Variants in FRMD4A observed in about 807,000 individuals in gnomAD.
FRMD4A encodes FERM domain containing 4A, also known as FERM domain-containing protein 4A.
FRMD4A carries 29 observed loss-of-function variants against 129.1 expected under a neutral mutation model. The observed-to-expected ratio is 0.22, with a 90% CI of 0.17 to 0.31. The LOEUF (loss-of-function observed/expected upper bound fraction) is 0.31. FRMD4A is among the 10% of genes least tolerant of loss of function. The pLI, the probability that FRMD4A is intolerant of heterozygous loss-of-function variation, is 1.00. For missense variants in FRMD4A, 1,272 were observed against 1,375.8 expected (o/e 0.92, Z 1.19); for synonymous variants, 634 against 571.6 (o/e 1.11, Z -1.56).
At chr10:14,262,019 C>T (rs1375889659) in intron 2 of FRMD4A, among the ~76,000 whole-genome samples, 1 of 151,890 alleles carries the variant, frequency 6.6e-6, no homozygotes. Flanking sequence ...CTCTCTGCTT[C>T]TCTGTCTCCC....
intron 12 of FRMD4A, among the ~76,000 whole-genome samples, chr10:13,716,020 T>C (rs187784420): frequency 3.3e-5 from 5 of 152,168 alleles, no homozygotes; most frequent in Non-Finnish European, 2.9e-5. Context: ...TGAACACATA[T>C]CAGCACAAAG....
intron 2 of FRMD4A, among the ~76,000 whole-genome samples, chr10:14,121,451 T>C (rs1338503303): frequency 6.6e-6 from 1 of 152,164 alleles, no homozygotes; most frequent in Non-Finnish European, 1.5e-5. Flanking sequence ...CCTGGAAATT[T>C]TGCATTTCTA....
At chr10:13,848,207 G>A (rs1238537417) in intron 3 of FRMD4A, among the ~76,000 whole-genome samples, 1 of 152,118 alleles carries the variant, frequency 6.6e-6, no homozygotes, top group Admixed American at 6.6e-5. Context: ...CCATAGAGAG[G>A]ACATGGAAAG....
chr10:14,314,440 T>C (rs1268834970), intron 2 of FRMD4A, among the ~76,000 whole-genome samples: 1 of 152,162 alleles, frequency 6.6e-6, no homozygotes, highest in African/African-American at 2.4e-5. Flanking sequence ...GGGAGGAGGC[T>C]ATGTGAGCTA....
intron 6 of FRMD4A, among the ~76,000 whole-genome samples, chr10:13,779,333 A>T (rs1198413651): frequency 1.4e-5 from 2 of 147,658 alleles, no homozygotes; most frequent in Non-Finnish European, 3.0e-5. Flanking sequence ...AAAAAAAAAA[A>T]GACTTATTTA....
At chr10:14,050,888 AAAC>A (rs1267693272) in intron 2 of FRMD4A, among the ~76,000 whole-genome samples, 1 of 152,172 alleles carries the variant, frequency 6.6e-6, no homozygotes, top group African/African-American at 2.4e-5. Context: ...ATAAACTGGT[AAAC>A]ATAAGCAAAG....
rs531031758 is a variant in FRMD4A at position 14,105,293 on chromosome 10, T to C, written c.45+224765A>G. 6.6e-4 allele frequency among the ~76,000 whole-genome samples: 101 copies of C among 152,284 alleles called. 1 individual carries two copies. The highest frequency in any genetic ancestry group is 2.3e-3 in the African/African-American group (96 of 41,562). Reference sequence around the variant, plus strand: ...ATAAAGTTTGTTAGATGGCTGGGCATGGCGCATCATGCCTGTAATCCCAGC... The same window carrying C: ...ATAAAGTTTGTTAGATGGCTGGGCACGGCGCATCATGCCTGTAATCCCAGC... On this transcript the variant is annotated intron_variant, in intron 2 of 24. Transcript: ENST00000357447.
chr10:13,779,129 T>C (rs2092675762), intron 6 of FRMD4A, among the ~76,000 whole-genome samples: 1 of 152,014 alleles, frequency 6.6e-6, no homozygotes, highest in Non-Finnish European at 1.5e-5. Context: ...CCGGCCTGAC[T>C]AACACGGTGA....
At chr10:13,943,680 GAAA>G (rs1257050518) in intron 2 of FRMD4A, among the ~76,000 whole-genome samples, 1 of 89,804 alleles carries the variant, frequency 1.1e-5, no homozygotes, top group Non-Finnish European at 2.3e-5. Flanking sequence ...AAAAAAAAAA[GAAA>G]AAGAAAAGAA....
At chr10:14,221,258 C>T (rs1424839868) in intron 2 of FRMD4A, among the ~76,000 whole-genome samples, 1 of 152,164 alleles carries the variant, frequency 6.6e-6, no homozygotes, top group East Asian at 1.9e-4. Context: ...GTTGTGAGAG[C>T]TTAGCTGGAG....
chr10:14,107,384 G>T (rs531296507), intron 2 of FRMD4A, among the ~76,000 whole-genome samples: 139 of 152,164 alleles, frequency 9.1e-4, no homozygotes, highest in Non-Finnish European at 1.7e-3. Context: ...TAAACCAAAA[G>T]TTGCTTTAAA....
At chr10:13,777,870 C>G (rs987130413) in intron 6 of FRMD4A, among the ~76,000 whole-genome samples, 1 of 139,516 alleles carries the variant, frequency 7.2e-6, no homozygotes, top group Non-Finnish European at 1.5e-5. Context: ...GCGATCTCGG[C>G]TTACTGCAAC....
intron 2 of FRMD4A, among the ~76,000 whole-genome samples, chr10:14,174,866 AGTGTGT>A (rs1404095209): frequency 7.2e-6 from 1 of 139,524 alleles, no homozygotes; most frequent in Non-Finnish European, 1.5e-5. Context: ...TAAAAAAAAA[AGTGTGT>A]GTGTGTCTGT....
chr10:14,286,983 A>C (rs1845700217), intron 2 of FRMD4A, among the ~76,000 whole-genome samples: 1 of 152,196 alleles, frequency 6.6e-6, no homozygotes, highest in Admixed American at 6.5e-5. Context: ...ACACATTTGC[A>C]TTCTCACATA....
chr10:13,708,589 A>G (rs1201455427), intron 12 of FRMD4A, among the ~76,000 whole-genome samples: 1 of 152,216 alleles, frequency 6.6e-6, no homozygotes, highest in Non-Finnish European at 1.5e-5. Context: ...CTTGTTAAGC[A>G]TCAACTCCAG....
intron 2 of FRMD4A, among the ~76,000 whole-genome samples, chr10:14,050,979 C>T (rs1436766121): frequency 6.6e-6 from 1 of 152,188 alleles, no homozygotes; most frequent in Non-Finnish European, 1.5e-5. Context: ...TAATTTATTG[C>T]CATTTTGAAG....
chr10:14,016,548 G>A (rs866909901), intron 2 of FRMD4A, among the ~76,000 whole-genome samples: 50 of 152,118 alleles, frequency 3.3e-4, no homozygotes, highest in African/African-American at 1.1e-3. Flanking sequence ...AAGGCCATCC[G>A]GCTTAGCCAC....
At chr10:14,005,538 T>A (rs1348814412) in intron 2 of FRMD4A, among the ~76,000 whole-genome samples, 1 of 152,222 alleles carries the variant, frequency 6.6e-6, no homozygotes, top group Non-Finnish European at 1.5e-5. Context: ...GGGACAGGAC[T>A]GTCAGTGTCC....
At chr10:14,143,782 C>CG (rs1839950773) in intron 2 of FRMD4A, among the ~76,000 whole-genome samples, 1 of 151,918 alleles carries the variant, frequency 6.6e-6, no homozygotes, top group Non-Finnish European at 1.5e-5. Flanking sequence ...GCCTGGCTAA[C>CG]TTTTGTATGT....
Sources: allele counts gnomAD v4.1 joint callset (sites outside exome capture counted in the v4.1 genomes callset), GRCh38; gene constraint gnomAD v4.1.1; transcripts MANE v1.5; gene names NCBI Gene and HGNC (gene_info 2026-07-23, HGNC 2026-07-21).